SLX4IP: variants seen among roughly 807,000 people sequenced by gnomAD.
SLX4IP encodes the protein protein SLX4IP.
Under a neutral mutation model 32.9 loss-of-function variants are expected in SLX4IP, and 34 were observed. The ratio of observed to expected loss-of-function variants is 1.03; its 90% CI spans 0.79 to 1.38. SLX4IP has a LOEUF of 1.38. SLX4IP is among the 40% of genes most tolerant of loss of function. SLX4IP has a pLI of 0.00. For synonymous variants in SLX4IP, 172 were observed against 171.7 expected, an observed-to-expected ratio of 1.00 and a Z score of -0.01; for missense variants, 444 against 479.0, an observed-to-expected ratio of 0.93 and a Z score of 0.68.
intron 1 of SLX4IP, among the ~76,000 whole-genome samples, chr20:10,443,464 A>C (rs907464132): frequency 6.6e-6 from 1 of 152,214 alleles, no homozygotes; most frequent in African/African-American, 2.4e-5. Context: ...CACTTGGTTC[A>C]TAGAAGGCTC....
chr20:10,456,715 C>G (rs1176091444), intron 1 of SLX4IP, among the ~76,000 whole-genome samples: 1 of 152,100 alleles, frequency 6.6e-6, no homozygotes, highest in Non-Finnish European at 1.5e-5. Flanking sequence ...TTTGTTACTC[C>G]AGATCTCTTG....
At chr20:10,470,060 G>A (rs1050529661) in intron 2 of SLX4IP, among the ~76,000 whole-genome samples, 10 of 152,202 alleles carry the variant, frequency 6.6e-5, no homozygotes, top group African/African-American at 1.2e-4. Context: ...GGAGATGATG[G>A]TCGGAGAGTA....
intron 2 of SLX4IP, among the ~76,000 whole-genome samples, chr20:10,522,306 C>T (rs1268941052): frequency 6.6e-6 from 1 of 152,122 alleles, no homozygotes; most frequent in African/African-American, 2.4e-5. Flanking sequence ...TATTAAAGCC[C>T]TCCTAACACT....
intron 2 of SLX4IP, among the ~76,000 whole-genome samples, chr20:10,550,729 CTT>C (rs1231032865): frequency 6.6e-6 from 1 of 152,224 alleles, no homozygotes; most frequent in Non-Finnish European, 1.5e-5. Context: ...CATTGAGACT[CTT>C]TTCCGTCTCC....
intron 2 of SLX4IP, among the ~76,000 whole-genome samples, chr20:10,553,541 G>A (rs2066238337): frequency 6.6e-6 from 1 of 152,154 alleles, no homozygotes; most frequent in Admixed American, 6.5e-5. Flanking sequence ...TGTGGCATGC[G>A]ACCTCCACCT....
At chr20:10,541,780 G>T (rs2066110027) in intron 2 of SLX4IP, among the ~76,000 whole-genome samples, 1 of 152,050 alleles carries the variant, frequency 6.6e-6, no homozygotes, top group Non-Finnish European at 1.5e-5. Context: ...TTTTCTTTTT[G>T]AATTTAATCA....
At chr20:10,543,483 C>T (rs1173318694) in intron 2 of SLX4IP, among the ~76,000 whole-genome samples, 1 of 152,158 alleles carries the variant, frequency 6.6e-6, no homozygotes, top group Non-Finnish European at 1.5e-5. Flanking sequence ...AACCTTGAGA[C>T]TGATGAAAGT....
At chr20:10,607,362 ACAAGGCTAGT>A (rs1368383776) in intron 6 of SLX4IP, among the ~76,000 whole-genome samples, 3 of 152,218 alleles carry the variant, frequency 2.0e-5, no homozygotes, top group African/African-American at 7.2e-5. Flanking sequence ...CATCAGCCAC[ACAAGGCTAGT>A]CCTCACTAGC....
chr20:10,487,057 G>A (rs997709753), intron 2 of SLX4IP, among the ~76,000 whole-genome samples: 14 of 152,096 alleles, frequency 9.2e-5, no homozygotes, highest in Admixed American at 7.9e-4. Context: ...GATTAGAGCC[G>A]CCTGCACGCT....
chr20:10,460,620 G>A (rs1200623295), intron 2 of SLX4IP, among the ~76,000 whole-genome samples: 1 of 152,146 alleles, frequency 6.6e-6, no homozygotes, highest in Non-Finnish European at 1.5e-5. Flanking sequence ...AATGAAAGAA[G>A]TATAATTTGT....
chr20:10,594,094 G>C (rs1394120810), intron 4 of SLX4IP, among the ~76,000 whole-genome samples: 1 of 152,206 alleles, frequency 6.6e-6, no homozygotes, highest in African/African-American at 2.4e-5. Context: ...CTTCGAAGCA[G>C]TTTAGAAAAT....
chr20:10,576,148 A>G (rs573203699), intron 4 of SLX4IP, among the ~76,000 whole-genome samples: 3 of 152,330 alleles, frequency 2.0e-5, no homozygotes, highest in South Asian at 2.1e-4. Context: ...GTGAAGTTTT[A>G]TGGTTACTAA....
chr20:10,580,095 C>T (rs1194263154), intron 4 of SLX4IP, among the ~76,000 whole-genome samples: 2 of 152,176 alleles, frequency 1.3e-5, no homozygotes, highest in African/African-American at 4.8e-5. Context: ...TAGTCAAGGT[C>T]TTCATAGGCA....
At chr20:10,575,877 A>G (rs1601022286) in intron 4 of SLX4IP, among the ~76,000 whole-genome samples, 1 of 152,138 alleles carries the variant, frequency 6.6e-6, no homozygotes. Flanking sequence ...GAAAATGGAT[A>G]CTAGTTATCT....
chr20:10,575,357 T>G (rs2066512833), intron 4 of SLX4IP, among the ~76,000 whole-genome samples: 1 of 152,106 alleles, frequency 6.6e-6, no homozygotes, highest in Non-Finnish European at 1.5e-5. Flanking sequence ...TTTTATATTG[T>G]CTGAACGGTT....
intron 1 of SLX4IP, among the ~76,000 whole-genome samples, chr20:10,446,812 G>A (rs2065206207): frequency 6.6e-6 from 1 of 151,960 alleles, no homozygotes; most frequent in Non-Finnish European, 1.5e-5. Flanking sequence ...TGATTGGACT[G>A]TTGCTTTTTA....
At chr20:10,605,506 A>C (rs1463993540) in intron 6 of SLX4IP, among the ~76,000 whole-genome samples, 3 of 152,144 alleles carry the variant, frequency 2.0e-5, no homozygotes, top group Admixed American at 2.0e-4. Flanking sequence ...GTTCCATTGG[A>C]TCTCTTCTGC....
chr20:10,477,393 G>A (rs143930433), intron 2 of SLX4IP, among the ~76,000 whole-genome samples: 19 of 152,178 alleles, frequency 1.2e-4, no homozygotes, highest in East Asian at 1.2e-3. Context: ...ATCTGCTCAC[G>A]TTGGCCTCCC....
At chr20:10,512,985 T>C (rs1322104375) in intron 2 of SLX4IP, among the ~76,000 whole-genome samples, 1 of 151,686 alleles carries the variant, frequency 6.6e-6, no homozygotes, top group Non-Finnish European at 1.5e-5. Flanking sequence ...CTTTGGTTTA[T>C]GTCCTTACCA....
Sources: allele counts gnomAD v4.1 joint callset (sites outside exome capture counted in the v4.1 genomes callset), GRCh38; gene constraint gnomAD v4.1.1; transcripts MANE v1.5; gene names NCBI Gene and HGNC (gene_info 2026-07-23, HGNC 2026-07-21).